The following ADAM9 variants were observed in gnomAD, a reference collection of about 807,000 sequenced individuals.
ADAM9 encodes disintegrin and metalloproteinase domain-containing protein 9.
ADAM9 carries 54 observed loss-of-function variants against 108.1 expected under a neutral mutation model. That is an observed-to-expected ratio of 0.50 (90% CI 0.40 to 0.63). ADAM9 has a LOEUF of 0.63. ADAM9 is among the 20% of genes least tolerant of loss of function. The pLI is 0.00. For missense variants in ADAM9, 830 were observed against 997.7 expected (o/e 0.83, Z 2.26); for synonymous variants, 316 against 336.0 (o/e 0.94, Z 0.65).
intron 4 of ADAM9, 130 bp from the exon 5 acceptor site, chr8:39,015,988 A>G: frequency 1.2e-6 from 1 of 810,654 alleles, no homozygotes; most frequent in Admixed American, 2.1e-5. Flanking sequence ...GTGAGATGCC[A>G]ATAATATAAA....
At chr8:39,028,787 T>TATAG (rs746452900) in intron 11 of ADAM9, among the ~76,000 whole-genome samples, 23 of 152,028 alleles carry the variant, frequency 1.5e-4, no homozygotes, top group Non-Finnish European at 2.8e-4. Context: ...AAATCAATAA[T>TATAG]ATAGAGTGTT....
intron 1 of ADAM9, among the ~76,000 whole-genome samples, chr8:39,001,071 G>C (rs530379554): frequency 6.6e-5 from 10 of 152,038 alleles, no homozygotes; most frequent in Admixed American, 1.3e-4. Context: ...CATATGAGTA[G>C]ACCCCAGGAG....
rs552938900 is a variant in ADAM9, at chr8:39,084,960, A to G, written c.2068+1887A>G. On this transcript the variant is annotated intron_variant, in intron 18 of 21. Transcript: ENST00000487273. ...TTATGAAATAGCCTTCTTTTTCCCT[A>G]GTAATATTCTCTGCCCTGCAATGAG... Among the ~76,000 whole-genome samples the G allele has an allele frequency of 4.6e-5, 7 of 152,252 alleles. No individual in the cohort carries two copies. In the East Asian group the frequency reaches 1.2e-3, roughly 25 times the overall value.
chr8:39,084,343 T>C (rs1234219773), intron 18 of ADAM9, among the ~76,000 whole-genome samples: 1 of 151,856 alleles, frequency 6.6e-6, no homozygotes, highest in East Asian at 1.9e-4. Context: ...CTTTTTTTTT[T>C]TTTCTGATAC....
At chr8:39,011,493 T>C (rs916380697) in intron 2 of ADAM9, among the ~76,000 whole-genome samples, 165 bp from the exon 3 acceptor site, 2 of 152,186 alleles carry the variant, frequency 1.3e-5, no homozygotes, top group Non-Finnish European at 2.9e-5. Flanking sequence ...TCAGAGTATA[T>C]TTTTTATTAT....
chr8:39,045,523 T>A (rs943852545), intron 12 of ADAM9, among the ~76,000 whole-genome samples: 2 of 137,302 alleles, frequency 1.5e-5, no homozygotes, highest in Non-Finnish European at 3.3e-5. Context: ...CATACATATA[T>A]ATGTGCATAT....
At chr8:39,003,231 T>G (rs1036606965) in intron 1 of ADAM9, among the ~76,000 whole-genome samples, 1 of 152,164 alleles carries the variant, frequency 6.6e-6, no homozygotes, top group Non-Finnish European at 1.5e-5. Context: ...TCATTGGCAG[T>G]CTGGGTAAAA....
chr8:39,103,076 C>T, intron 21 of ADAM9, among the ~76,000 whole-genome samples: 1 of 152,190 alleles, frequency 6.6e-6, no homozygotes. Context: ...TCTAGTGTTA[C>T]TGGAGTAGAG....
At chr8:39,019,634 GTGTTT>G (rs1478030475) in intron 7 of ADAM9, among the ~76,000 whole-genome samples, 1 of 152,138 alleles carries the variant, frequency 6.6e-6, no homozygotes, top group Non-Finnish European at 1.5e-5. Flanking sequence ...AGTATTTTTA[GTGTTT>G]TGTTTGACTT....
At chr8:39,061,403 A>G (rs1357516041) in intron 14 of ADAM9, among the ~76,000 whole-genome samples, 1 of 152,216 alleles carries the variant, frequency 6.6e-6, no homozygotes, top group African/African-American at 2.4e-5. Context: ...GTAAAACTTC[A>G]TCTATCACCT....
At chr8:39,011,810 AC>A in intron 3 of ADAM9, 94 bp downstream of exon 3, 1 of 1,215,786 alleles carries the variant, frequency 8.2e-7, no homozygotes, top group Non-Finnish European at 1.2e-6. Context: ...TGGATCCTGA[AC>A]CCTGGGATTA....
intron 11 of ADAM9, among the ~76,000 whole-genome samples, chr8:39,027,310 A>G (rs936442405): frequency 8.5e-5 from 13 of 152,230 alleles, no homozygotes; most frequent in African/African-American, 2.7e-4. Context: ...ATATATTTCT[A>G]TTAACAAACC....
rs1837468751 is a variant in ADAM9, at chr8:39,041,980, G to A, written c.1165G>A (p.Asp389Asn). 5 of 1,613,944 alleles carry A rather than the reference G, an allele frequency of 3.1e-6. No individual in the cohort carries two copies. The highest frequency in any genetic ancestry group is 2.5e-6 in the Non-Finnish European group (3 of 1,179,942). The change falls in exon 12 of 22, where the codon GAC (aspartate) becomes AAC (asparagine). Residue 389 changes from aspartate to asparagine, a missense_variant. By Grantham distance (23) the Asp-to-Asn change is conservative (BLOSUM62 1). This residue lies in a region of ADAM9 where 381 missense variants were observed against 539.8 expected (regional missense o/e 0.71). Coordinates refer to ENST00000487273, the MANE Select transcript of ADAM9 (RefSeq NM_003816.3). ...SRNFSSCSAE[D>N]FEKLTLNKGG... ...AAACTTTAGCAGTTGCAGTGCAGAG[G>A]ACTTTGAGAAGTTAACTTTAAATAA... is the stretch of plus-strand genomic sequence containing the variant.
At chr8:39,079,594 A>AATTTTTTT (rs1451422531) in intron 16 of ADAM9, among the ~76,000 whole-genome samples, 1 of 142,200 alleles carries the variant, frequency 7.0e-6, no homozygotes, top group Non-Finnish European at 1.5e-5. Context: ...AATATCATGA[A>AATTTTTTT]TTTTTTTTTT....
chr8:39,021,609 T>G (rs1836741982), intron 7 of ADAM9, 34 bp from the exon 8 acceptor site: 4 of 1,578,170 alleles, frequency 2.5e-6, no homozygotes, highest in South Asian at 2.2e-5. Context: ...TAAAGTACTT[T>G]GGTGATAATG....
At chr8:39,025,436 A>T (rs1331184866) in intron 9 of ADAM9, among the ~76,000 whole-genome samples, 3 of 152,174 alleles carry the variant, frequency 2.0e-5, no homozygotes, top group African/African-American at 7.2e-5. Context: ...ACTGCCCTGC[A>T]GCTGCCCGTG....
intron 7 of ADAM9, among the ~76,000 whole-genome samples, chr8:39,020,892 TA>T (rs11363050): frequency 0.81 from 121,031 of 150,200 alleles, 48,708 homozygotes; most frequent in East Asian, 0.94. Context: ...TCTGTTAAAT[TA>T]AAAAAAAAAA....
At chr8:39,090,294 T>G in intron 19 of ADAM9, 106 bp downstream of exon 19, 1 of 954,956 alleles carries the variant, frequency 1.0e-6, no homozygotes. Context: ...TGCCTCAGCC[T>G]TCCAAGTAGT....
At chr8:39,007,749 T>C (rs979396108) in intron 1 of ADAM9, 137 bp from the exon 2 acceptor site, 7 of 656,726 alleles carry the variant, frequency 1.1e-5, no homozygotes, top group Admixed American at 2.6e-5. Flanking sequence ...ATATGAGTAC[T>C]TTTATTATAT....
Sources: gnomAD v4.1 joint callset for allele counts (sites outside exome capture counted in the v4.1 genomes callset) on GRCh38, gnomAD v4.1.1 for gene constraint, gnomAD v4.1.1 regional missense constraint, MANE v1.5 for transcripts, NCBI Gene and HGNC (gene_info 2026-07-23, HGNC 2026-07-21) for gene names.